Variants in MACF1 observed in about 807,000 individuals in gnomAD.
The protein encoded by MACF1 is microtubule actin crosslinking factor 1.
Under a neutral mutation model 854.8 loss-of-function variants are expected in MACF1, and 193 were observed. The observed-to-expected ratio is 0.23, with a 90% CI of 0.20 to 0.25. The LOEUF is 0.25. Ranked by LOEUF, MACF1 falls within the 10% of genes least tolerant of loss-of-function variation. The pLI is 1.00. For synonymous variants in MACF1, 3,185 were observed against 3,226.7 expected (o/e 0.99, Z 0.44); for missense variants, 7,722 against 8,929.1 (o/e 0.86, Z 5.45).
At chr1:39,288,496 TA>T (rs150854643) in intron 15 of MACF1, among the ~76,000 whole-genome samples, 1,466 of 125,462 alleles carry the variant, frequency 0.012, 19 homozygotes, top group African/African-American at 0.032. Flanking sequence ...AGACTCCATC[TA>T]AAAAAAAAAA....
intron 47 of MACF1, 33 bp from the exon 48 acceptor site, chr1:39,360,760 T>C: frequency 7.2e-7 from 1 of 1,390,432 alleles, no homozygotes; most frequent in Non-Finnish European, 9.9e-7. Flanking sequence ...AAAAATTGTC[T>C]CCACTCTTTC....
Position 39,385,459 on chromosome 1 carries a change from G to A in MACF1, c.13874G>A (p.Arg4625His). The change falls in exon 57 of 101, where the codon CGC becomes CAC. Residue 4625 changes from arginine to histidine, a missense_variant. Coordinates refer to ENST00000564288, the MANE Select transcript of MACF1 (RefSeq NM_001394062.1). ...VQFMLKEFEA[R>H]RQQHEQLNEA... ...TTTATGCTAAAGGAATTTGAAGCAC[G>A]CAGGCAACAGCATGAGCAACTGAAT... 1.9e-6 allele frequency: 3 copies of A among 1,613,940 alleles called. No individual in the cohort carries two copies. The highest frequency in any genetic ancestry group is 1.1e-5 in the South Asian group (1 of 91,070).
At chr1:39,354,538 A>T (rs115648820) in intron 44 of MACF1, among the ~76,000 whole-genome samples, 3,702 of 152,118 alleles carry the variant, frequency 0.024, 120 homozygotes, top group East Asian at 0.17. Context: ...CCAAGTAGCT[A>T]AGATTACAGG....
chr1:39,296,042 T>C (rs948751369), intron 20 of MACF1, among the ~76,000 whole-genome samples, 160 bp downstream of exon 20: 1 of 152,198 alleles, frequency 6.6e-6, no homozygotes. Flanking sequence ...ATTCAGTAGG[T>C]GAGCAGTTTG....
chr1:39,097,579 G>C (rs1641968411), intron 2 of MACF1, among the ~76,000 whole-genome samples: 1 of 151,998 alleles, frequency 6.6e-6, no homozygotes, highest in South Asian at 2.1e-4. Context: ...AAAATTAGCT[G>C]GGCATGGTGG....
intron 2 of MACF1, among the ~76,000 whole-genome samples, chr1:39,186,210 CTCTCTGTGTGTGTGTGTGTG>C (rs1347039374): frequency 8.7e-5 from 6 of 69,328 alleles, no homozygotes; most frequent in African/African-American, 4.2e-4. Context: ...CTCTCTCTCT[CTCTCTGTGTGTGTGTGTGTG>C]TGTGTGTGTG....
chr1:39,244,342 C>T (rs140747567), intron 2 of MACF1, among the ~76,000 whole-genome samples: 37 of 151,966 alleles, frequency 2.4e-4, no homozygotes, highest in African/African-American at 8.4e-4. Flanking sequence ...AGTGCAGTGT[C>T]GTGATCTCGG....
At chr1:39,319,585 T>A in intron 30 of MACF1, 79 bp from the exon 31 acceptor site, 1 of 985,036 alleles carries the variant, frequency 1.0e-6, no homozygotes, top group Non-Finnish European at 1.6e-6. Flanking sequence ...TGGAAACTAC[T>A]GCCTTAGAAC....
Position 39,295,776 on chromosome 1 carries a change from GT to G in MACF1, c.2260-8del, listed in dbSNP as rs1442312668. ...CTCAAGCCCTTCTGTCTGTGTGCTTGTTTATTGCAGGCTTACAGTGCTGCTG... is the reference window on the plus strand; with the variant it reads ...CTCAAGCCCTTCTGTCTGTGTGCTTGTTATTGCAGGCTTACAGTGCTGCTG... On this transcript the variant is annotated splice_polypyrimidine_tract_variant and intron_variant, in intron 19 of 100. Coordinates refer to ENST00000564288, the MANE Select transcript of MACF1 (RefSeq NM_001394062.1). 6.2e-7 allele frequency: 1 copy of G among 1,609,230 alleles called. No individual in the cohort carries two copies. The highest frequency in any genetic ancestry group is 8.5e-7 in the Non-Finnish European group (1 of 1,176,948).
At chr1:39,485,161 A>C in intron 100 of MACF1, 1 of 297,470 alleles carries the variant, frequency 3.4e-6, no homozygotes. Context: ...GAACCTAGGA[A>C]TCTTCCTTCA....
At chr1:39,415,660 C>T (rs72661973) in intron 58 of MACF1, among the ~76,000 whole-genome samples, 2 of 152,030 alleles carry the variant, frequency 1.3e-5, no homozygotes, top group African/African-American at 2.4e-5. Context: ...CGCGCCCAGC[C>T]GGCTCTAAGA....
chr1:39,285,503 T>C, intron 13 of MACF1, 101 bp from the exon 14 acceptor site: 3 of 1,220,102 alleles, frequency 2.5e-6, no homozygotes, highest in Non-Finnish European at 2.2e-6. Flanking sequence ...TATTTCCCTT[T>C]TTTTTTTTTT....
Position 39,347,127 on chromosome 1 carries a change from C to G in MACF1, c.10732C>G (p.Gln3578Glu), listed in dbSNP as rs775339400. 6 of 1,613,972 alleles carry G rather than the reference C, an allele frequency of 3.7e-6. No individual in the cohort carries two copies. The African/African-American group carries it at 6.7e-5, about 18-fold the overall frequency. Residue 3578 changes from glutamine to glutamate, a missense_variant, in exon 41 of 101, where the codon CAG becomes GAG. By Grantham distance (29) the Gln-to-Glu change is conservative (BLOSUM62 2). Transcript: ENST00000564288. ...TCTGAATGAACTGCAGAGGTCCTTC[C>G]AGGACATTTTGGAACAGACTGCCGC... The part of the protein sequence containing the change: ...RLLNELQRSF[Q>E]DILEQTAAQV...
At chr1:39,383,052 T>G (rs753003850) in intron 56 of MACF1, among the ~76,000 whole-genome samples, 8 of 152,140 alleles carry the variant, frequency 5.3e-5, no homozygotes, top group African/African-American at 1.9e-4. Context: ...ACCCACGGGA[T>G]GAAGGTTGCC....
intron 2 of MACF1, among the ~76,000 whole-genome samples, chr1:39,104,301 G>A (rs1167974642): frequency 6.6e-6 from 1 of 152,228 alleles, no homozygotes; most frequent in Non-Finnish European, 1.5e-5. Context: ...GGGATTGAAT[G>A]ATACACAACC....
At chr1:39,233,808 T>TTTTTTTTGTTTTTTTTTTTTTA (rs755591226) in intron 2 of MACF1, among the ~76,000 whole-genome samples, 1 of 65,772 alleles carries the variant, frequency 1.5e-5, no homozygotes, top group Non-Finnish European at 3.3e-5. Flanking sequence ...ATTTATTTTT[T>TTTTTTTTGTTTTTTTTTTTTTA]ATTGATAATT....
At chr1:39,448,456 A>G (rs1229690749) in intron 83 of MACF1, 138 bp from the exon 84 acceptor site, 1 of 684,090 alleles carries the variant, frequency 1.5e-6, no homozygotes, top group Non-Finnish European at 2.3e-6. Flanking sequence ...AGGATAAGCT[A>G]TGGTTAATTT....
At position 39,220,320 on chromosome 1, in the gene MACF1, G is replaced by A. The variant is rs12096959; in HGVS notation, c.110-10862G>A. Among the ~76,000 whole-genome samples the A allele has an allele frequency of 8.6e-3, 1,296 of 151,066 alleles. 24 individuals carry two copies. The highest frequency in any genetic ancestry group is 0.03 in the African/African-American group (1,225 of 41,088). On this transcript the variant is annotated intron_variant, in intron 1 of 100. Coordinates refer to ENST00000564288, the MANE Select transcript of MACF1 (RefSeq NM_001394062.1). ...CCTGAGTAGCTGGGATTACAGGAGC[G>A]CACCACCTTGCCTGGCTAATTTTTG...
At chr1:39,254,105 G>A (rs1645072290) in intron 4 of MACF1, 193 bp from the exon 5 acceptor site, 1 of 565,904 alleles carries the variant, frequency 1.8e-6, no homozygotes, top group South Asian at 2.3e-5. Context: ...CAAGACATTT[G>A]GGGACCTCAG....
Sources: gnomAD v4.1 joint callset for allele counts (sites outside exome capture counted in the v4.1 genomes callset) on GRCh38, gnomAD v4.1.1 for gene constraint, MANE v1.5 for transcripts, NCBI Gene and HGNC (gene_info 2026-07-23, HGNC 2026-07-21) for gene names.